Variants in ADAM29 observed in about 807,000 individuals in gnomAD.
The protein encoded by ADAM29 is ADAM metallopeptidase domain 29.
For missense variants in ADAM29, 969 were observed against 1,001.8 expected (o/e 0.97, Z 0.44); for synonymous variants, 367 against 342.3 (o/e 1.07, Z -0.80).
At chr4:174,945,216 T>C (rs1744772437) in intron 4 of ADAM29, among the ~76,000 whole-genome samples, 1 of 152,176 alleles carries the variant, frequency 6.6e-6, no homozygotes, top group Non-Finnish European at 1.5e-5. Flanking sequence ...TAGTATCTCA[T>C]TGTGGTTTTG....
intron 3 of ADAM29, among the ~76,000 whole-genome samples, chr4:174,932,275 GAA>G (rs1309644618): frequency 6.6e-6 from 1 of 151,034 alleles, no homozygotes; most frequent in African/African-American, 2.5e-5. Context: ...TGACAAGAAT[GAA>G]ACTCTGTCTC....
chr4:174,974,195 C>T (rs1328288882), intron 4 of ADAM29, among the ~76,000 whole-genome samples: 2 of 152,218 alleles, frequency 1.3e-5, no homozygotes, highest in East Asian at 3.8e-4. Flanking sequence ...AAAGAAGGGG[C>T]TGGAGCAACT....
chr4:174,964,392 C>G (rs1746034330), intron 4 of ADAM29, among the ~76,000 whole-genome samples: 1 of 152,014 alleles, frequency 6.6e-6, no homozygotes, highest in African/African-American at 2.4e-5. Flanking sequence ...TCTCAGACTT[C>G]TAGATACCAT....
intron 3 of ADAM29, among the ~76,000 whole-genome samples, chr4:174,932,160 A>G (rs1014537305): frequency 6.6e-6 from 1 of 151,942 alleles, no homozygotes; most frequent in Non-Finnish European, 1.5e-5. Context: ...GGTGGCACAT[A>G]CCCGTAATCC....
At position 174,975,743 on chromosome 4, in the gene ADAM29, T is replaced by C; in HGVS notation, c.218T>C (p.Leu73Ser). ...HIIHIKVKKL[L>S]FSKHLPVFTY... ...ATCCACATAAAGGTCAAGAAGCTTTTGTTTTCCAAACACCTCCCTGTGTTC... is the reference window on the plus strand; with the variant it reads ...ATCCACATAAAGGTCAAGAAGCTTTCGTTTTCCAAACACCTCCCTGTGTTC... The change falls in exon 5 of 5, where the codon TTG becomes TCG. Residue 73 changes from leucine (L) to serine (S), a missense_variant. Leu to Ser is a moderately radical substitution (Grantham distance 145). Coordinates refer to ENST00000359240, the MANE Select transcript of ADAM29 (RefSeq NM_014269.4). 1 of 1,613,028 alleles carries C rather than the reference T, an allele frequency of 6.2e-7. No homozygotes were observed. Among genetic ancestry groups the C allele is most frequent in the Non-Finnish European group, 8.5e-7 (1 of 1,179,608 alleles).
intron 4 of ADAM29, among the ~76,000 whole-genome samples, chr4:174,938,754 A>G (rs1461306116): frequency 6.6e-6 from 1 of 152,170 alleles, no homozygotes; most frequent in African/African-American, 2.4e-5. Context: ...TGCCATTACA[A>G]TCTCCACAAA....
At chr4:174,968,146 T>G (rs1746256713) in intron 4 of ADAM29, among the ~76,000 whole-genome samples, 1 of 152,154 alleles carries the variant, frequency 6.6e-6, no homozygotes, top group African/African-American at 2.4e-5. Context: ...ATGAGCTAGA[T>G]CTGAATTTTG....
chr4:174,942,302 G>C (rs988343813), intron 4 of ADAM29, among the ~76,000 whole-genome samples: 1 of 152,144 alleles, frequency 6.6e-6, no homozygotes, highest in Non-Finnish European at 1.5e-5. Context: ...AACTCTTTGT[G>C]GGGGCTCCAA....
intron 4 of ADAM29, among the ~76,000 whole-genome samples, chr4:174,955,890 G>A (rs529146497): frequency 6.6e-6 from 1 of 152,080 alleles, no homozygotes; most frequent in African/African-American, 2.4e-5. Context: ...TGGTTTCCTT[G>A]CTTCAATTTT....
At chr4:174,944,102 G>T (rs189705528) in intron 4 of ADAM29, among the ~76,000 whole-genome samples, 21 of 151,764 alleles carry the variant, frequency 1.4e-4, no homozygotes, top group Admixed American at 7.2e-4. Flanking sequence ...ATAATTAACA[G>T]TTATAAATAA....
At chr4:174,961,493 CT>C (rs1405719856) in intron 4 of ADAM29, among the ~76,000 whole-genome samples, 1 of 151,852 alleles carries the variant, frequency 6.6e-6, no homozygotes, top group Admixed American at 6.6e-5. Flanking sequence ...GATTCTAATG[CT>C]TTTAGTAATC....
chr4:174,972,662 G>A (rs1746537649), intron 4 of ADAM29, among the ~76,000 whole-genome samples: 1 of 152,126 alleles, frequency 6.6e-6, no homozygotes, highest in South Asian at 2.1e-4. Context: ...TGCTGAGCAG[G>A]AGGGAGTATC....
chr4:174,954,301 T>C (rs935182374), intron 4 of ADAM29, among the ~76,000 whole-genome samples: 2 of 152,234 alleles, frequency 1.3e-5, no homozygotes, highest in Admixed American at 6.5e-5. Flanking sequence ...GTCATTTATA[T>C]TTTGAAGATG....
At chr4:174,946,210 C>T (rs1276095582) in intron 4 of ADAM29, among the ~76,000 whole-genome samples, 1 of 152,048 alleles carries the variant, frequency 6.6e-6, no homozygotes, top group Non-Finnish European at 1.5e-5. Flanking sequence ...CTTTTACCTC[C>T]CTCATTAGCT....
At chr4:174,948,015 A>G (rs962199028) in intron 4 of ADAM29, among the ~76,000 whole-genome samples, 1 of 152,238 alleles carries the variant, frequency 6.6e-6, no homozygotes, top group Non-Finnish European at 1.5e-5. Flanking sequence ...TTCCAGGTGT[A>G]TCAGATCAGT....
In ADAM29 at chr4:174,977,510, T is replaced by A. The variant is rs1432892835; in HGVS notation, c.1985T>A (p.Val662Asp). The change falls in exon 5 of 5, where the codon GTT becomes GAT. Residue 662 changes from valine to aspartate, a missense_variant. Val to Asp is a radical substitution (Grantham distance 152). Coordinates refer to ENST00000359240, the MANE Select transcript of ADAM29 (RefSeq NM_014269.4). ...NCLIKGYGGSVDSGPPPKRKK... is the reference protein window; with the variant it reads ...NCLIKGYGGSDDSGPPPKRKK... ...CTGATAAAAGGCTATGGAGGTAGTG[T>A]TGACAGTGGCCCACCCCCTAAGAGA... The A allele has an allele frequency of 1.2e-6, 2 of 1,614,240 alleles. No homozygotes were observed. The highest frequency in any genetic ancestry group is 2.2e-5 in the South Asian group (2 of 91,086).
chr4:174,962,384 C>A (rs570478442), intron 4 of ADAM29, among the ~76,000 whole-genome samples: 1 of 151,656 alleles, frequency 6.6e-6, no homozygotes, highest in African/African-American at 2.4e-5. Context: ...TGGTGGGGGG[C>A]GCCTGTAGTC....
intron 2 of ADAM29, among the ~76,000 whole-genome samples, chr4:174,922,457 G>A (rs1218278784): frequency 1.3e-5 from 2 of 152,076 alleles, no homozygotes; most frequent in Admixed American, 1.3e-4. Flanking sequence ...GCCATAAACT[G>A]GTAGTAACAT....
intron 4 of ADAM29, 140 bp from the exon 5 acceptor site, chr4:174,975,206 T>C (rs1178862786): frequency 4.4e-6 from 1 of 228,118 alleles, no homozygotes; most frequent in Non-Finnish European, 8.5e-6. Context: ...TTCTAGGCAA[T>C]TTTTTGAGTC....
Sources: gnomAD v4.1 joint callset for allele counts (sites outside exome capture counted in the v4.1 genomes callset) on GRCh38, gnomAD v4.1.1 for gene constraint, MANE v1.5 for transcripts, NCBI Gene and HGNC (gene_info 2026-07-23, HGNC 2026-07-21) for gene names.